The following PIP4P2 variants were observed in gnomAD, a reference collection of about 807,000 sequenced individuals.
PIP4P2 encodes the protein phosphatidylinositol-4,5-bisphosphate 4-phosphatase 2.
Under a neutral mutation model 33.3 loss-of-function variants are expected in PIP4P2, and 19 were observed. The observed-to-expected ratio is 0.57, with a 90% CI of 0.40 to 0.84. The LOEUF (loss-of-function observed/expected upper bound fraction) is 0.84. Among genes scored for constraint, PIP4P2 ranks in the 40% least tolerant of loss-of-function variants. The pLI, the probability that PIP4P2 is intolerant of heterozygous loss-of-function variation, is 0.00. For synonymous variants in PIP4P2, 110 were observed against 111.9 expected (o/e 0.98, Z 0.11); for missense variants, 270 against 324.7 (o/e 0.83, Z 1.29).
intron 4 of PIP4P2, 41 bp downstream of exon 4, chr8:91,018,349 A>T: frequency 6.2e-7 from 1 of 1,613,194 alleles, no homozygotes; most frequent in Non-Finnish European, 8.5e-7. Flanking sequence ...TAAGATCATG[A>T]CCTATATTTA....
rs572100257 is a variant in PIP4P2, at chr8:90,994,863, G to A, written c.*814C>T. ...GGTTAAGTATTATAAAACATGTTAT[G>A]TGAAATACTTCCTCAAGCCTCTATA... On this transcript the variant is annotated 3_prime_UTR_variant, in exon 7 of 7. Transcript: ENST00000285419. 1.3e-5 allele frequency: 2 copies of A among 152,148 alleles called. No individual in the cohort carries two copies. Among genetic ancestry groups the A allele is most frequent in the African/African-American group, 2.4e-5 (1 of 41,536 alleles). 9.4% of individuals were successfully genotyped at this position (152,148 alleles called of 1,614,324 possible).
At chr8:91,032,729 C>T (rs1347188797) in intron 1 of PIP4P2, among the ~76,000 whole-genome samples, 9 of 145,680 alleles carry the variant, frequency 6.2e-5, no homozygotes, top group Non-Finnish European at 1.5e-5. Flanking sequence ...TGCAGTGAGC[C>T]GAGATCATGC....
intron 1 of PIP4P2, among the ~76,000 whole-genome samples, chr8:91,034,311 T>C (rs1243215989): frequency 6.6e-6 from 1 of 152,144 alleles, no homozygotes; most frequent in Non-Finnish European, 1.5e-5. Flanking sequence ...CAGAAGGAAA[T>C]GTGGGCATTA....
intron 5 of PIP4P2, among the ~76,000 whole-genome samples, chr8:91,001,602 G>A (rs1016977315): frequency 7.9e-5 from 12 of 151,682 alleles, no homozygotes; most frequent in Admixed American, 2.6e-4. Context: ...TGAGTACCTG[G>A]TAATTTTTAA....
intron 1 of PIP4P2, among the ~76,000 whole-genome samples, chr8:91,033,361 A>G (rs1164457803): frequency 6.6e-6 from 1 of 152,128 alleles, no homozygotes; most frequent in African/African-American, 2.4e-5. Flanking sequence ...GTACCTACTT[A>G]GTTGGGTCAT....
At chr8:91,038,572 C>G (rs1812264423) in intron 1 of PIP4P2, among the ~76,000 whole-genome samples, 1 of 152,272 alleles carries the variant, frequency 6.6e-6, no homozygotes, top group South Asian at 2.1e-4. Flanking sequence ...GGATTGATCA[C>G]TCTTGTTCCC....
chr8:91,015,244 C>G (rs1315142113), intron 4 of PIP4P2, among the ~76,000 whole-genome samples: 4 of 151,856 alleles, frequency 2.6e-5, no homozygotes, highest in Non-Finnish European at 2.9e-5. Context: ...GAAATCTGCC[C>G]TAAAGAAAAA....
At chr8:90,996,909 G>C (rs1040016557) in intron 5 of PIP4P2, among the ~76,000 whole-genome samples, 165 bp from the exon 6 acceptor site, 8 of 151,964 alleles carry the variant, frequency 5.3e-5, no homozygotes, top group African/African-American at 1.9e-4. Context: ...TTTTTAATGG[G>C]TGACAAAATC....
At chr8:91,032,065 A>T (rs540005023) in intron 1 of PIP4P2, among the ~76,000 whole-genome samples, 6 of 152,220 alleles carry the variant, frequency 3.9e-5, no homozygotes, top group Non-Finnish European at 7.3e-5. Context: ...ATGTAAAGTA[A>T]CGATTCCAAG....
intron 5 of PIP4P2, among the ~76,000 whole-genome samples, chr8:91,001,338 A>G (rs952143106): frequency 6.6e-6 from 1 of 152,072 alleles, no homozygotes; most frequent in Non-Finnish European, 1.5e-5. Flanking sequence ...AAAATAGAGA[A>G]CAGTCTATCA....
At chr8:91,040,064 G>T (rs565662078) in intron 1 of PIP4P2, among the ~76,000 whole-genome samples, 1 of 152,258 alleles carries the variant, frequency 6.6e-6, no homozygotes, top group Admixed American at 6.5e-5. Context: ...GGAGTAAAAA[G>T]GAGGGGCAGG....
intron 1 of PIP4P2, among the ~76,000 whole-genome samples, chr8:91,028,012 A>C (rs1812106049): frequency 6.6e-6 from 1 of 152,232 alleles, no homozygotes; most frequent in Non-Finnish European, 1.5e-5. Context: ...GTGCTGCCTG[A>C]TTTCAATGAG....
At chr8:91,022,946 T>C (rs1586182848) in intron 1 of PIP4P2, among the ~76,000 whole-genome samples, 1 of 152,282 alleles carries the variant, frequency 6.6e-6, no homozygotes, top group African/African-American at 2.4e-5. Flanking sequence ...AAAGAAGCTG[T>C]ACATGTCTTA....
intron 1 of PIP4P2, among the ~76,000 whole-genome samples, chr8:91,024,842 A>C (rs181222092): frequency 1.2e-3 from 190 of 152,288 alleles, no homozygotes; most frequent in African/African-American, 4.3e-3. Context: ...TCCTAAAAAA[A>C]AACTCCCTCA....
intron 4 of PIP4P2, among the ~76,000 whole-genome samples, chr8:91,013,689 T>C (rs914628230): frequency 1.2e-4 from 18 of 152,006 alleles, no homozygotes; most frequent in African/African-American, 4.1e-4. Context: ...TGCATGCCAC[T>C]ACCCCTGGCT....
chr8:90,996,597 A>C (rs1452883896), intron 6 of PIP4P2, 57 bp downstream of exon 6: 5 of 1,465,640 alleles, frequency 3.4e-6, no homozygotes, highest in Non-Finnish European at 4.7e-6. Flanking sequence ...AGGCCTCATG[A>C]TTGACTACTG....
chr8:91,003,252 A>T (rs964306009), intron 5 of PIP4P2, among the ~76,000 whole-genome samples: 1 of 152,196 alleles, frequency 6.6e-6, no homozygotes, highest in Non-Finnish European at 1.5e-5. Context: ...TAGTAAATGA[A>T]TAGATAATTG....
chr8:91,008,669 T>G, intron 5 of PIP4P2, 74 bp downstream of exon 5: 5 of 1,394,130 alleles, frequency 3.6e-6, no homozygotes, highest in East Asian at 2.3e-5. Context: ...AAAATCTACT[T>G]AAGTGAAAAT....
At chr8:91,039,534 T>G (rs986680720) in intron 1 of PIP4P2, among the ~76,000 whole-genome samples, 5 of 152,216 alleles carry the variant, frequency 3.3e-5, no homozygotes, top group Non-Finnish European at 7.3e-5. Flanking sequence ...ATTCCAGACT[T>G]GAACTTAAAA....
Sources: gnomAD v4.1 joint callset for allele counts (sites outside exome capture counted in the v4.1 genomes callset) on GRCh38, gnomAD v4.1.1 for gene constraint, MANE v1.5 for transcripts, NCBI Gene and HGNC (gene_info 2026-07-23, HGNC 2026-07-21) for gene names.